The following ERC2 variants were observed in gnomAD, a reference collection of about 807,000 sequenced individuals.
ERC2 encodes ELKS/RAB6-interacting/CAST family member 2.
Under a neutral mutation model 114.8 loss-of-function variants are expected in ERC2, and 42 were observed. The ratio of observed to expected loss-of-function variants is 0.37; its 90% CI spans 0.29 to 0.47. The LOEUF is 0.47. Among genes scored for constraint, ERC2 ranks in the 20% least tolerant of loss-of-function variants. The pLI, the probability that ERC2 is intolerant of heterozygous loss-of-function variation, is 0.99. For missense variants in ERC2, 939 were observed against 1,150.7 expected (o/e 0.82, Z 2.66); for synonymous variants, 454 against 425.5 (o/e 1.07, Z -0.82).
chr3:56,154,015 G>C (rs1293508042), intron 4 of ERC2, among the ~76,000 whole-genome samples: 4 of 152,068 alleles, frequency 2.6e-5, no homozygotes, highest in African/African-American at 9.7e-5. Context: ...ACTTTATTTA[G>C]AATAAAATTT....
At chr3:56,439,736 A>G (rs2062200399) in intron 1 of ERC2, among the ~76,000 whole-genome samples, 1 of 150,830 alleles carries the variant, frequency 6.6e-6, no homozygotes, top group African/African-American at 2.4e-5. Context: ...TAAAATTTCT[A>G]CTTCCTTTAT....
chr3:56,127,816 A>G (rs1199656882), intron 6 of ERC2, among the ~76,000 whole-genome samples: 3 of 152,144 alleles, frequency 2.0e-5, no homozygotes, highest in Non-Finnish European at 4.4e-5. Context: ...ACAAATCCAC[A>G]CATTTGTAGC....
chr3:56,461,282 A>T (rs575861585), intron 1 of ERC2, among the ~76,000 whole-genome samples: 35 of 152,314 alleles, frequency 2.3e-4, no homozygotes, highest in Non-Finnish European at 1.5e-5. Flanking sequence ...AGTAAAGATA[A>T]GCAGAAAAGT....
chr3:56,425,850 T>G (rs2061552529), intron 2 of ERC2, among the ~76,000 whole-genome samples: 1 of 152,170 alleles, frequency 6.6e-6, no homozygotes, highest in Non-Finnish European at 1.5e-5. Flanking sequence ...CTTAGACAAC[T>G]CTGGGTTTAT....
At chr3:56,430,749 A>T (rs1396799951) in intron 2 of ERC2, among the ~76,000 whole-genome samples, 1 of 152,206 alleles carries the variant, frequency 6.6e-6, no homozygotes, top group African/African-American at 2.4e-5. Context: ...GTATCGCACC[A>T]CTGCACTCCA....
intron 4 of ERC2, among the ~76,000 whole-genome samples, chr3:56,169,147 A>G (rs2150011311): frequency 6.6e-6 from 1 of 152,068 alleles, no homozygotes; most frequent in East Asian, 1.9e-4. Context: ...AAGTTCACCA[A>G]ATCACCAAAC....
intron 14 of ERC2, among the ~76,000 whole-genome samples, chr3:55,759,320 T>C (rs2067257985): frequency 6.6e-6 from 1 of 152,088 alleles, no homozygotes; most frequent in Admixed American, 6.6e-5. Flanking sequence ...GCAAATACAA[T>C]AATATGACTG....
intron 13 of ERC2, among the ~76,000 whole-genome samples, chr3:55,890,215 G>A (rs1052828623): frequency 1.1e-4 from 16 of 152,126 alleles, no homozygotes; most frequent in Admixed American, 3.3e-4. Flanking sequence ...AATATGTGAC[G>A]AAGTTAAAGC....
chr3:56,058,537 T>G (rs2076108361), intron 7 of ERC2, among the ~76,000 whole-genome samples: 1 of 152,242 alleles, frequency 6.6e-6, no homozygotes, highest in African/African-American at 2.4e-5. Context: ...CAAGCATTAT[T>G]GTGGATGTTT....
intron 16 of ERC2, among the ~76,000 whole-genome samples, chr3:55,685,507 T>C (rs1448528338): frequency 6.6e-6 from 1 of 152,186 alleles, no homozygotes; most frequent in Admixed American, 6.5e-5. Flanking sequence ...TTCCTCTCTG[T>C]CCCTGGAGAA....
At chr3:55,829,488 T>C (rs1473967549) in intron 14 of ERC2, among the ~76,000 whole-genome samples, 1 of 152,058 alleles carries the variant, frequency 6.6e-6, no homozygotes, top group East Asian at 1.9e-4. Context: ...AAAACATAAA[T>C]AGAGCCTCAG....
chr3:55,997,880 G>GTTTGTTTTTTT (rs1559996207), intron 10 of ERC2, among the ~76,000 whole-genome samples: 1 of 44,788 alleles, frequency 2.2e-5, no homozygotes, highest in Non-Finnish European at 4.0e-5. Context: ...TCTTAATTCT[G>GTTTGTTTTTTT]TTTTTTTTTT....
At chr3:56,237,635 G>A (rs2051040215) in intron 3 of ERC2, among the ~76,000 whole-genome samples, 1 of 152,136 alleles carries the variant, frequency 6.6e-6, no homozygotes, top group African/African-American at 2.4e-5. Flanking sequence ...GGCCTCCTCA[G>A]CTGAACTATA....
chr3:56,274,606 G>A lies in ERC2; in HGVS notation c.1074+21413C>T, dbSNP rs188024830. On this transcript the variant is annotated intron_variant, in intron 3 of 17. Coordinates refer to ENST00000288221, the MANE Select transcript of ERC2 (RefSeq NM_015576.3). The stretch of plus-strand genomic sequence containing the variant: ...AATTGTGATTTGCCTAAAAACTGTC[G>A]TAACAAGTCAGATTCAAATATTGTT... 3.4e-4 allele frequency among the ~76,000 whole-genome samples: 52 copies of A among 152,256 alleles called. 1 individual carries two copies. The South Asian group carries it at 6.4e-3, about 19-fold the overall frequency.
chr3:56,037,508 G>T (rs1013494899), intron 7 of ERC2, among the ~76,000 whole-genome samples: 44 of 152,152 alleles, frequency 2.9e-4, no homozygotes, highest in African/African-American at 1.0e-3. Context: ...AGAGAAAAAG[G>T]AATGAAAAGG....
At chr3:55,775,025 G>A (rs1341324549) in intron 14 of ERC2, among the ~76,000 whole-genome samples, 1 of 152,088 alleles carries the variant, frequency 6.6e-6, no homozygotes, top group Non-Finnish European at 1.5e-5. Flanking sequence ...GACATTTTAG[G>A]AGAGACAACA....
chr3:56,294,017 A>G (rs1304433559), intron 3 of ERC2, among the ~76,000 whole-genome samples: 1 of 152,256 alleles, frequency 6.6e-6, no homozygotes, highest in African/African-American at 2.4e-5. Context: ...GCCCCTTGGC[A>G]TCAAAATAAA....
intron 14 of ERC2, among the ~76,000 whole-genome samples, chr3:55,751,673 A>G (rs1398006385): frequency 6.6e-6 from 1 of 152,198 alleles, no homozygotes; most frequent in African/African-American, 2.4e-5. Flanking sequence ...GAAAGTCACA[A>G]GTAGGTAAGG....
At chr3:55,771,294 G>C (rs4955877) in intron 14 of ERC2, among the ~76,000 whole-genome samples, 23,817 of 152,098 alleles carry the variant, frequency 0.16, 2,032 homozygotes, top group East Asian at 0.22. Flanking sequence ...ATTCAATATA[G>C]ATCATTCAGA....
Sources: gnomAD v4.1 joint callset for allele counts (sites outside exome capture counted in the v4.1 genomes callset) on GRCh38, gnomAD v4.1.1 for gene constraint, MANE v1.5 for transcripts, NCBI Gene and HGNC (gene_info 2026-07-23, HGNC 2026-07-21) for gene names.